Variants in UBE2K observed in about 807,000 individuals in gnomAD.
UBE2K encodes ubiquitin conjugating enzyme E2 K.
In UBE2K, 6 loss-of-function variants were observed where a neutral mutation model predicts 30.0. That is an observed-to-expected ratio of 0.20 (90% CI 0.11 to 0.39). The LOEUF is 0.39. Ranked by LOEUF, UBE2K falls within the 10% of genes least tolerant of loss-of-function variation. UBE2K has a pLI of 1.00. For synonymous variants in UBE2K, 86 were observed against 83.7 expected (o/e 1.03, Z -0.15); for missense variants, 61 against 241.6 (o/e 0.25, Z 4.96).
chr4:39,708,778 T>C (rs966934408), intron 1 of UBE2K, among the ~76,000 whole-genome samples: 1 of 152,046 alleles, frequency 6.6e-6, no homozygotes, highest in Admixed American at 6.6e-5. Context: ...AGCTGGTTAA[T>C]GGTGAACCCA....
intron 4 of UBE2K, among the ~76,000 whole-genome samples, chr4:39,773,042 A>G (rs990309980): frequency 1.3e-5 from 2 of 152,170 alleles, no homozygotes; most frequent in Admixed American, 6.5e-5. Context: ...ACAGGTAGAT[A>G]CTATTTTTTA....
chr4:39,755,211 C>T (rs1210142889), intron 3 of UBE2K, among the ~76,000 whole-genome samples: 1 of 152,132 alleles, frequency 6.6e-6, no homozygotes, highest in African/African-American at 2.4e-5. Flanking sequence ...AGAAGCACAG[C>T]CACTTACTAT....
intron 3 of UBE2K, among the ~76,000 whole-genome samples, chr4:39,748,913 C>G (rs1248710031): frequency 6.6e-6 from 1 of 152,092 alleles, no homozygotes; most frequent in African/African-American, 2.4e-5. Context: ...TAAATATGTT[C>G]TAGATGTATA....
At chr4:39,714,534 A>AT (rs1560343675) in intron 1 of UBE2K, 18 of 26,830 alleles carry the variant, frequency 6.7e-4, no homozygotes, top group East Asian at 1.8e-3. Flanking sequence ...ATATATATAT[A>AT]TATATATATA....
intron 3 of UBE2K, among the ~76,000 whole-genome samples, chr4:39,751,388 G>A (rs559004152): frequency 2.0e-5 from 3 of 152,154 alleles, no homozygotes; most frequent in Admixed American, 6.5e-5. Flanking sequence ...AGTGCTGAAC[G>A]CCATATCCTG....
intron 2 of UBE2K, among the ~76,000 whole-genome samples, chr4:39,741,268 C>T (rs530133286): frequency 1.3e-5 from 2 of 150,344 alleles, no homozygotes; most frequent in Admixed American, 6.6e-5. Context: ...GAGACTGCAT[C>T]TCAAAAAAAA....
intron 1 of UBE2K, chr4:39,714,536 A>AT (rs1718910535): frequency 4.1e-5 from 1 of 24,296 alleles, no homozygotes; most frequent in Non-Finnish European, 6.2e-5. Context: ...ATATATATAT[A>AT]TATATATATA....
intron 1 of UBE2K, among the ~76,000 whole-genome samples, chr4:39,729,955 A>G (rs1406846183): frequency 6.6e-6 from 1 of 152,240 alleles, no homozygotes; most frequent in Non-Finnish European, 1.5e-5. Flanking sequence ...AATGTTCTTC[A>G]TAGTATCCTG....
intron 4 of UBE2K, among the ~76,000 whole-genome samples, chr4:39,773,478 A>G (rs1713060496): frequency 6.6e-6 from 1 of 151,156 alleles, no homozygotes; most frequent in East Asian, 2.0e-4. Context: ...AAGAAAATAA[A>G]AGAAAAGAAA....
intron 1 of UBE2K, among the ~76,000 whole-genome samples, chr4:39,730,810 CT>C (rs569251225): frequency 0.39 from 35,248 of 89,244 alleles, 5,051 homozygotes; most frequent in Admixed American, 0.52. Flanking sequence ...GCTATAGCTT[CT>C]TTTTTTTTTT....
intron 5 of UBE2K, among the ~76,000 whole-genome samples, chr4:39,775,811 T>A (rs1713251255): frequency 6.6e-6 from 1 of 152,212 alleles, no homozygotes; most frequent in Admixed American, 6.5e-5. Context: ...CATTTTTTTT[T>A]TTAAACTTAG....
intron 1 of UBE2K, among the ~76,000 whole-genome samples, chr4:39,727,829 C>T (rs1052948064): frequency 6.6e-6 from 1 of 151,932 alleles, no homozygotes; most frequent in Non-Finnish European, 1.5e-5. Flanking sequence ...GAGATGTCCT[C>T]TAACTGAAAT....
intron 1 of UBE2K, among the ~76,000 whole-genome samples, chr4:39,719,152 C>T (rs1193457405): frequency 6.6e-6 from 1 of 152,226 alleles, no homozygotes; most frequent in African/African-American, 2.4e-5. Context: ...TTTCAGTCTC[C>T]CTCAAACCTT....
intron 1 of UBE2K, among the ~76,000 whole-genome samples, chr4:39,727,134 T>C (rs556701179): frequency 2.6e-5 from 4 of 152,220 alleles, no homozygotes; most frequent in Non-Finnish European, 5.9e-5. Context: ...GTTACATTAT[T>C]CTTCTTAATG....
rs564319349 is a variant in UBE2K, at chr4:39,765,938, T to C, written c.300-8896T>C. ...ATACATACATACATACATACATACA[T>C]ACACACACACACATACACATACACA... is the stretch of plus-strand genomic sequence containing the variant. On this transcript the variant is annotated intron_variant, in intron 4 of 6. Transcript: ENST00000261427. 1.5e-3 allele frequency among the ~76,000 whole-genome samples: 219 copies of C among 149,494 alleles called. 2 individuals are homozygous for C. The highest frequency in any genetic ancestry group is 0.014 in the Middle Eastern group (4 of 294).
At chr4:39,707,461 A>G (rs1347055936) in intron 1 of UBE2K, among the ~76,000 whole-genome samples, 4 of 151,724 alleles carry the variant, frequency 2.6e-5, no homozygotes, top group Non-Finnish European at 5.9e-5. Flanking sequence ...TGGCTTCTCA[A>G]AGTGCTGGGA....
At chr4:39,764,746 C>T (rs921315990) in intron 4 of UBE2K, among the ~76,000 whole-genome samples, 7 of 151,892 alleles carry the variant, frequency 4.6e-5, no homozygotes, top group Non-Finnish European at 8.8e-5. Flanking sequence ...TTTCTTTAAC[C>T]TCCTCTTCAT....
chr4:39,757,356 G>C (rs895952427), intron 4 of UBE2K, among the ~76,000 whole-genome samples: 5 of 151,832 alleles, frequency 3.3e-5, no homozygotes, highest in Admixed American at 2.0e-4. Flanking sequence ...TTAAGAAAGG[G>C]GAGAAAAAAA....
intron 1 of UBE2K, among the ~76,000 whole-genome samples, chr4:39,711,594 G>C (rs1408880616): frequency 6.6e-6 from 1 of 151,906 alleles, no homozygotes; most frequent in Non-Finnish European, 1.5e-5. Flanking sequence ...TAGATAAAAG[G>C]ATGTACTGGA....
Sources: allele counts gnomAD v4.1 joint callset (sites outside exome capture counted in the v4.1 genomes callset), GRCh38; gene constraint gnomAD v4.1.1; transcripts MANE v1.5; gene names NCBI Gene and HGNC (gene_info 2026-07-23, HGNC 2026-07-21).